The following EOLA2 variants were observed in gnomAD, a reference collection of about 807,000 sequenced individuals.
EOLA2 encodes the protein protein EOLA2.
Under a neutral mutation model 4.1 loss-of-function variants are expected in EOLA2, and 3 were observed. The observed-to-expected ratio is 0.73, with a 90% CI of 0.33 to 1.89. The LOEUF is 1.89. Ranked by LOEUF, EOLA2 falls within the 40% of genes most tolerant of loss-of-function variation. The pLI is 0.08. For synonymous variants in EOLA2, 52 were observed against 51.7 expected (o/e 1.01, Z -0.03); for missense variants, 109 against 126.4 (o/e 0.86, Z 0.66).
At chrX:149,934,895 C>G (rs2090954777) in intron 2 of EOLA2, among the ~76,000 whole-genome samples, 1 of 112,406 alleles carries the variant, frequency 8.9e-6, no homozygotes, top group Non-Finnish European at 1.9e-5. Context: ...TCAGCCCAGT[C>G]ATAGACTCTT....
At position 149,932,726 on chromosome X, in the gene EOLA2, A is replaced by G; in HGVS notation, c.295T>C (p.Leu99=). 1 of 1,206,797 alleles carries G rather than the reference A, an allele frequency of 8.3e-7. No homozygotes were observed. The highest frequency in any genetic ancestry group is 1.1e-6 in the Non-Finnish European group (1 of 893,943). The change falls in exon 5 of 5, where the codon TTA becomes CTA. Residue 99 remains leucine, a synonymous_variant. Transcript: ENST00000370406. ...IGETLQCPED[L]TPDEVVELEN... Reference sequence around the variant, plus strand: ...AGTTCCACAACCTCATCGGGAGTTAAGTCTTCGGGGCATTGCAAAGTTTCC... The same window carrying G: ...AGTTCCACAACCTCATCGGGAGTTAGGTCTTCGGGGCATTGCAAAGTTTCC...
intron 2 of EOLA2, among the ~76,000 whole-genome samples, chrX:149,934,890 C>G (rs2090954527): frequency 3.6e-5 from 4 of 112,352 alleles, no homozygotes; most frequent in Admixed American, 2.8e-4. Flanking sequence ...GAACCTCAGC[C>G]CAGTCATAGA....
intron 1 of EOLA2, 29 bp from the exon 2 acceptor site, chrX:149,937,509 G>C (rs1156914711): frequency 5.6e-6 from 3 of 533,289 alleles, no homozygotes; most frequent in Non-Finnish European, 6.9e-6. Flanking sequence ...AAAGAGGAAA[G>C]GTCATTAAAT....
downstream of EOLA2, chrX:149,931,110 G>C: frequency 1.1e-6 from 1 of 937,267 alleles, no homozygotes; most frequent in Non-Finnish European, 1.3e-6. Flanking sequence ...GAGTAGGAAG[G>C]CTCCTCAGAT....
At position 149,932,776 on chromosome X, in the gene EOLA2, A is replaced by G. The variant is rs781931023; in HGVS notation, c.254-9T>C. 1.7e-6 allele frequency: 2 copies of G among 1,182,770 alleles called. No individual in the cohort carries two copies. Among genetic ancestry groups the G allele is most frequent in the Non-Finnish European group, 2.3e-6 (2 of 882,286 alleles). Reference sequence around the variant, plus strand: ...CCCAATGTCAACGAGTCCTGTACACAAAGAGAGATACACATGAATGCCTTT... The same window carrying G: ...CCCAATGTCAACGAGTCCTGTACACGAAGAGAGATACACATGAATGCCTTT... On this transcript the variant is annotated splice_polypyrimidine_tract_variant and intron_variant, in intron 4 of 4. Transcript: ENST00000370406.
At chrX:149,930,373 G>A (rs1429260158), downstream of EOLA2, among the ~76,000 whole-genome samples, 2 of 111,484 alleles carry the variant, frequency 1.8e-5, no homozygotes, top group African/African-American at 6.6e-5. Context: ...TACCTCTACG[G>A]GGTTGCAGTT....
chrX:149,934,456 A>G (rs2090944361), intron 2 of EOLA2: 2 of 733,708 alleles, frequency 2.7e-6, no homozygotes, highest in African/African-American at 4.7e-5. Flanking sequence ...ATGCACCGTG[A>G]CCTCAGATGG....
At chrX:149,933,973 C>T (rs1270441398) in intron 3 of EOLA2, 32 bp downstream of exon 3, 16 of 1,151,313 alleles carry the variant, frequency 1.4e-5, no homozygotes, top group South Asian at 4.1e-5. Flanking sequence ...ACCTTCCCCC[C>T]GTGTCTCTCA....
chrX:149,931,300 T>G, downstream of EOLA2: 1 of 387,892 alleles, frequency 2.6e-6, no homozygotes, highest in Non-Finnish European at 3.8e-6. Context: ...GTTGTCTGTG[T>G]TTTTTTTTAA....
rs2091056943 is a variant in EOLA2, at chrX:149,938,411, G to T, written c.-429C>A. On this transcript the variant is annotated 5_prime_UTR_variant, in exon 1 of 5. Coordinates refer to ENST00000370406, the MANE Select transcript of EOLA2 (RefSeq NM_001013845.2). ...TGCCGCTTACTCCCGGAAACCGGTG[G>T]CCAGTGACAGATGCTAGCGGTCCAT... is the stretch of plus-strand genomic sequence containing the variant. 1 of 112,983 alleles carries T rather than the reference G, an allele frequency of 8.9e-6. No homozygotes were observed. The highest frequency in any genetic ancestry group is 9.3e-5 in the Admixed American group (1 of 10,801). The allele number at this position is 112,983 out of a possible 1,213,427, so 9.3% of individuals were successfully genotyped here.
downstream of EOLA2, chrX:149,930,131 A>C: frequency 1.7e-6 from 2 of 1,151,928 alleles, no homozygotes; most frequent in South Asian, 4.0e-5. Flanking sequence ...AATGATGGTA[A>C]AGTAGAAAGC....
At chrX:149,930,212 A>T, downstream of EOLA2, 1 of 1,094,033 alleles carries the variant, frequency 9.1e-7, no homozygotes, top group Non-Finnish European at 1.2e-6. Context: ...AATATACTGT[A>T]AGAGCTTAAG....
intron 2 of EOLA2, chrX:149,934,540 C>T: frequency 1.3e-6 from 1 of 754,763 alleles, no homozygotes; most frequent in Non-Finnish European, 1.6e-6. Flanking sequence ...CCACTGCTCT[C>T]CACTGTCAGC....
In EOLA2 at chrX:149,937,818, G is replaced by A. The variant is rs2091038165; in HGVS notation, c.-210-338C>T. Among the ~76,000 whole-genome samples the A allele has an allele frequency of 2.7e-5, 3 of 112,830 alleles. No homozygotes were observed. The Admixed American group carries it at 2.8e-4, about 10-fold the overall frequency. On this transcript the variant is annotated intron_variant, in intron 1 of 4. Transcript: ENST00000370406. ...TTGTCATCGGACGAGGGTTTGGGGG[G>A]CCTAAATCCCATTGTCCACTGCTTA...
intron 4 of EOLA2, among the ~76,000 whole-genome samples, chrX:149,933,150 T>G (rs2090908365): frequency 1.0e-5 from 1 of 99,765 alleles, no homozygotes; most frequent in Non-Finnish European, 2.0e-5. Flanking sequence ...ATGTCGGGCC[T>G]CAGTCACCTA....
In EOLA2 at chrX:149,933,894, C is replaced by T. The variant is rs1557375304; in HGVS notation, c.-20G>A. ...CTTCATCTTCGCAAGCGCCCCGGGC[C>T]TCCCGTAGCCTGCGGAAGCACAGAA... On this transcript the variant is annotated 5_prime_UTR_variant, in exon 4 of 5. Transcript: ENST00000370406. 1 of 1,192,391 alleles carries T rather than the reference C, an allele frequency of 8.4e-7. No individual in the cohort carries two copies. The highest frequency in any genetic ancestry group is 1.1e-6 in the Non-Finnish European group (1 of 884,668).
chrX:149,936,930 G>A (rs1443668397), intron 2 of EOLA2, among the ~76,000 whole-genome samples: 3 of 109,560 alleles, frequency 2.7e-5, no homozygotes, highest in African/African-American at 1.0e-4. Flanking sequence ...CTGATGGAGA[G>A]TTACAAGTTG....
chrX:149,934,148 G>A lies in EOLA2; in HGVS notation c.-162-11C>T. 8 of 1,035,764 alleles carry A rather than the reference G, an allele frequency of 7.7e-6. No individual in the cohort carries two copies. Among genetic ancestry groups the A allele is most frequent in the Non-Finnish European group, 8.6e-6 (7 of 810,768 alleles). The allele number at this position is 1,035,764 out of a possible 1,213,427, so 85.4% of individuals were successfully genotyped here. On this transcript the variant is annotated splice_polypyrimidine_tract_variant and intron_variant, in intron 2 of 4. Coordinates refer to ENST00000370406, the MANE Select transcript of EOLA2 (RefSeq NM_001013845.2). Reference sequence around the variant, plus strand: ...GTAGGGCGGGGACAGCTAGAGGAAGGCACAGGCAGGATAGCATGTGGTCAG... The same window carrying A: ...GTAGGGCGGGGACAGCTAGAGGAAGACACAGGCAGGATAGCATGTGGTCAG...
At chrX:149,931,559 A>G (rs1195986361), downstream of EOLA2, among the ~76,000 whole-genome samples, 5 of 97,359 alleles carry the variant, frequency 5.1e-5, no homozygotes, top group African/African-American at 1.9e-4. Flanking sequence ...TTCAAACAGG[A>G]GATTGTTTCC....
Sources: allele counts gnomAD v4.1 joint callset (sites outside exome capture counted in the v4.1 genomes callset), GRCh38; gene constraint gnomAD v4.1.1; transcripts MANE v1.5; gene names NCBI Gene and HGNC (gene_info 2026-07-23, HGNC 2026-07-21).